Variants in NFATC2 observed in about 807,000 individuals in gnomAD.
The protein encoded by NFATC2 is nuclear factor of activated T-cells, cytoplasmic 2.
NFATC2 carries 22 observed loss-of-function variants against 87.3 expected under a neutral mutation model. The ratio of observed to expected loss-of-function variants is 0.25; its 90% confidence interval spans 0.18 to 0.36. The LOEUF is 0.36. Ranked by LOEUF, NFATC2 falls within the 10% of genes least tolerant of loss-of-function variation. The probability of loss-of-function intolerance (pLI) is 1.00; values close to 1 mark genes in which losing one functional copy is unlikely to be tolerated. For missense variants in NFATC2, 1,149 were observed against 1,259.1 expected (o/e 0.91, Z 1.32); for synonymous variants, 565 against 542.2 (o/e 1.04, Z -0.58).
upstream of NFATC2, among the ~76,000 whole-genome samples, chr20:51,543,850 C>G (rs1436059702): frequency 2.6e-5 from 4 of 152,158 alleles, no homozygotes; most frequent in Admixed American, 6.6e-5. Context: ...TGGAAACAGA[C>G]TCACAGAGGT....
At chr20:51,487,861 T>G (rs1466475235) in intron 3 of NFATC2, among the ~76,000 whole-genome samples, 2 of 152,110 alleles carry the variant, frequency 1.3e-5, no homozygotes, top group African/African-American at 4.8e-5. Context: ...CACACTCTAT[T>G]TTGGGATTTT....
rs538836135 is a variant in NFATC2 at position 51,513,021 on chromosome 20, GT to G, written c.1332+3762del. On this transcript the variant is annotated intron_variant, in intron 3 of 10. Coordinates refer to ENST00000371564, the MANE Select transcript of NFATC2 (RefSeq NM_012340.5). ...ACTCTTTTCTCAATTTTTCCAAGAA[GT>G]TTTTTTTTTTAAACTGACTTCCCAT... is the stretch of plus-strand genomic sequence containing the variant. Among the ~76,000 whole-genome samples, 311 of 148,320 alleles carry G rather than the reference GT, an allele frequency of 2.1e-3. 1 individual carries two copies. The highest frequency in any genetic ancestry group is 2.9e-3 in the Non-Finnish European group (195 of 66,696).
rs538450974 is a variant in NFATC2, at chr20:51,387,746, G to A, written c.*3750C>T. The A allele has an allele frequency of 5.3e-5, 8 of 152,220 alleles. No individual in the cohort carries two copies. Among genetic ancestry groups the A allele is most frequent in the East Asian group, 1.9e-4 (1 of 5,178 alleles). 9.4% of individuals were successfully genotyped at this position (152,220 alleles called of 1,614,324 possible). ...CACCTTGCCTCCGGGAAACAAGTTC[G>A]GGAAAGGTTAGCCCAGCTTGTCAAG... On this transcript the variant is annotated 3_prime_UTR_variant, in exon 11 of 11. Coordinates refer to ENST00000371564, the MANE Select transcript of NFATC2 (RefSeq NM_012340.5).
At chr20:51,459,102 A>C (rs1020477937) in intron 5 of NFATC2, among the ~76,000 whole-genome samples, 1 of 152,204 alleles carries the variant, frequency 6.6e-6, no homozygotes, top group Admixed American at 6.5e-5. Flanking sequence ...CCTGCATATG[A>C]CTATATGGAC....
chr20:51,401,191 G>C (rs912615118), intron 9 of NFATC2, among the ~76,000 whole-genome samples: 1 of 152,110 alleles, frequency 6.6e-6, no homozygotes, highest in African/African-American at 2.4e-5. Flanking sequence ...CCAATATGGT[G>C]AAACCCCGTC....
intron 1 of NFATC2, among the ~76,000 whole-genome samples, chr20:51,537,562 A>G (rs2076740960): frequency 6.6e-6 from 1 of 152,210 alleles, no homozygotes; most frequent in Admixed American, 6.5e-5. Flanking sequence ...CTCCCCACAT[A>G]TCTGTCCCCA....
At chr20:51,531,248 G>C (rs1228170571) in intron 1 of NFATC2, among the ~76,000 whole-genome samples, 1 of 152,214 alleles carries the variant, frequency 6.6e-6, no homozygotes, top group African/African-American at 2.4e-5. Context: ...CACAGCAGAG[G>C]CCCAAAGACT....
intron 6 of NFATC2, among the ~76,000 whole-genome samples, chr20:51,449,468 G>T (rs1165534427): frequency 6.6e-6 from 1 of 152,156 alleles, no homozygotes; most frequent in Non-Finnish European, 1.5e-5. Context: ...GGATTCTTCA[G>T]TTAGGCATGG....
In NFATC2 at chr20:51,440,236, C is replaced by CAA. The variant is rs34071345; in HGVS notation, c.1850-4477_1850-4476dup. ...GGGCAACAAGAGCAAAACTCCATCT[C>CAA]AAAAAAAAAAAAAAAAAAAAAATGT... On this transcript the variant is annotated intron_variant, in intron 6 of 10. Coordinates refer to ENST00000371564, the MANE Select transcript of NFATC2 (RefSeq NM_012340.5). 1.2e-3 allele frequency among the ~76,000 whole-genome samples: 119 copies of CAA among 97,192 alleles called. 3 individuals are homozygous for CAA. The highest frequency in any genetic ancestry group is 3.5e-3 in the African/African-American group (70 of 20,142). The allele number at this position is 97,192 out of a possible 152,430, so 63.8% of individuals were successfully genotyped here.
chr20:51,549,749 G>A (rs2076917695), intron 1 of NFATC2, among the ~76,000 whole-genome samples: 1 of 152,216 alleles, frequency 6.6e-6, no homozygotes, highest in African/African-American at 2.4e-5. Context: ...TGTTTAACAA[G>A]GAAAACCAAG....
intron 6 of NFATC2, among the ~76,000 whole-genome samples, chr20:51,445,197 C>A (rs76130388): frequency 6.6e-6 from 1 of 151,982 alleles, no homozygotes; most frequent in East Asian, 1.9e-4. Flanking sequence ...GCTGGGCCTG[C>A]CCCCCGCAGC....
Position 51,542,385 on chromosome 20 carries a change from A to G in NFATC2, c.115T>C (p.Leu39=), listed in dbSNP as rs1182393646. Reference sequence around the variant, plus strand: ...CTCCACCGACCTTCGTTCGGATTCAAATACTCATAGTCGAAGAGGATGGAG... The same window carrying G: ...CTCCACCGACCTTCGTTCGGATTCAGATACTCATAGTCGAAGAGGATGGAG... ...DFSILFDYEY[L]NPNEEEPNAH... Residue 39 remains leucine (L), a synonymous_variant, in exon 1 of 11, where the codon TTG becomes CTG. Transcript: ENST00000371564. 6 of 1,607,422 alleles carry G rather than the reference A, an allele frequency of 3.7e-6. No homozygotes were observed. Among genetic ancestry groups the G allele is most frequent in the African/African-American group, 1.4e-5 (1 of 73,878 alleles).
intron 5 of NFATC2, among the ~76,000 whole-genome samples, chr20:51,472,659 A>G (rs1988336712): frequency 8.5e-6 from 1 of 117,428 alleles, no homozygotes; most frequent in African/African-American, 3.4e-5. Context: ...TTTTTGAGAC[A>G]GGGTCTCACT....
chr20:51,422,234 G>A (rs1981038109), intron 9 of NFATC2, among the ~76,000 whole-genome samples: 1 of 152,210 alleles, frequency 6.6e-6, no homozygotes, highest in African/African-American at 2.4e-5. Context: ...ATCATAAAAT[G>A]ACCAGAGAAT....
At chr20:51,424,759 CA>C (rs1981505153) in intron 9 of NFATC2, among the ~76,000 whole-genome samples, 2 of 151,974 alleles carry the variant, frequency 1.3e-5, no homozygotes, top group Admixed American at 1.3e-4. Flanking sequence ...AGTTTCCACC[CA>C]TGGGGGACCT....
upstream of NFATC2, among the ~76,000 whole-genome samples, chr20:51,547,226 T>TA (rs963084266): frequency 3.5e-4 from 53 of 152,196 alleles, no homozygotes; most frequent in African/African-American, 1.2e-3. Flanking sequence ...AGGAAAGAGA[T>TA]AATGGGGGCG....
At chr20:51,543,880 G>A, upstream of NFATC2, among the ~76,000 whole-genome samples, 1 of 151,014 alleles carries the variant, frequency 6.6e-6, no homozygotes, top group East Asian at 1.9e-4. Flanking sequence ...CAAAACAGTG[G>A]TCTTCAACCC....
intron 1 of NFATC2, among the ~76,000 whole-genome samples, chr20:51,532,672 C>T (rs547393960): frequency 1.1e-4 from 16 of 152,214 alleles, no homozygotes; most frequent in East Asian, 1.9e-4. Context: ...GGTGGCCGCT[C>T]GCTCAGCGCC....
chr20:51,464,725 G>GCAGGCT, intron 5 of NFATC2, among the ~76,000 whole-genome samples: 1 of 152,076 alleles, frequency 6.6e-6, no homozygotes, highest in Non-Finnish European at 1.5e-5. Flanking sequence ...CCCTTGAGTT[G>GCAGGCT]GTCTCTGATT....
Sources: allele counts gnomAD v4.1 joint callset (sites outside exome capture counted in the v4.1 genomes callset), GRCh38; gene constraint gnomAD v4.1.1; transcripts MANE v1.5; gene names NCBI Gene and HGNC (gene_info 2026-07-23, HGNC 2026-07-21).